ADGRB3: variants seen among roughly 807,000 people sequenced by gnomAD.
ADGRB3 encodes adhesion G protein-coupled receptor B3, also known as brain-specific angiogenesis inhibitor 3.
A neutral mutation model predicts 193.4 loss-of-function variants in ADGRB3; 37 were observed. That is an observed-to-expected ratio of 0.19 (90% confidence interval 0.15 to 0.25). The LOEUF (loss-of-function observed/expected upper bound fraction) is 0.25, where lower values mean the gene tolerates loss of function less well. ADGRB3 is among the 10% of genes least tolerant of loss of function. The pLI, the probability that ADGRB3 is intolerant of heterozygous loss-of-function variation, is 1.00. For missense variants in ADGRB3, 1,637 were observed against 1,852.9 expected (o/e 0.88, Z 2.14); for synonymous variants, 690 against 644.2 (o/e 1.07, Z -1.08).
In ADGRB3 at chr6:69,361,433, T is replaced by G; in HGVS notation, c.4160T>G (p.Phe1387Cys). ...GAACCTCGCACAGCTGTGAAGAATTTCATGGCCTCTGAGTTGGATGATAAT... is the reference window on the plus strand; with the variant it reads ...GAACCTCGCACAGCTGTGAAGAATTGCATGGCCTCTGAGTTGGATGATAAT... ...PFEPRTAVKN[F>C]MASELDDNAG... is the part of the protein sequence containing the mutation. The change falls in exon 29 of 32, where the codon TTC becomes TGC. Residue 1387 changes from phenylalanine to cysteine, a missense_variant. This residue lies in a region of ADGRB3 where 368 missense variants were observed against 367.4 expected (regional missense o/e 1.00). Transcript: ENST00000370598. The G allele has an allele frequency of 3.1e-6, 5 of 1,612,980 alleles. No individual in the cohort carries two copies. The highest frequency in any genetic ancestry group is 4.2e-6 in the Non-Finnish European group (5 of 1,179,228).
intron 3 of ADGRB3, among the ~76,000 whole-genome samples, chr6:68,870,153 A>T (rs1765417199): frequency 2.0e-5 from 3 of 152,186 alleles, no homozygotes; most frequent in African/African-American, 7.2e-5. Flanking sequence ...TTTTTACTGA[A>T]TATCCTATAT....
chr6:69,248,664 T>C (rs1463324018), intron 20 of ADGRB3, among the ~76,000 whole-genome samples: 1 of 152,238 alleles, frequency 6.6e-6, no homozygotes, highest in Non-Finnish European at 1.5e-5. Flanking sequence ...TATTCAGTTC[T>C]GCTGTTGTTG....
At chr6:69,131,783 C>T (rs1057044065) in intron 17 of ADGRB3, among the ~76,000 whole-genome samples, 1 of 151,730 alleles carries the variant, frequency 6.6e-6, no homozygotes, top group Non-Finnish European at 1.5e-5. Context: ...CCTAGCCCCC[C>T]ACCCCCTGAC....
chr6:68,843,938 A>G (rs1768219966), intron 3 of ADGRB3, among the ~76,000 whole-genome samples: 1 of 152,204 alleles, frequency 6.6e-6, no homozygotes, highest in Non-Finnish European at 1.5e-5. Context: ...TATCTCTTCA[A>G]TAAATGGTGC....
At chr6:68,953,039 T>C (rs1312056173) in intron 6 of ADGRB3, among the ~76,000 whole-genome samples, 1 of 152,112 alleles carries the variant, frequency 6.6e-6, no homozygotes, top group East Asian at 1.9e-4. Context: ...ACTTCACAAA[T>C]AGATGTTCTC....
intron 17 of ADGRB3, among the ~76,000 whole-genome samples, chr6:69,084,488 G>T (rs1358364309): frequency 6.6e-6 from 1 of 152,112 alleles, no homozygotes; most frequent in Non-Finnish European, 1.5e-5. Context: ...AACATTGCCA[G>T]TGATATCTAG....
intron 3 of ADGRB3, among the ~76,000 whole-genome samples, chr6:68,668,920 T>TA (rs1312602153): frequency 6.6e-6 from 1 of 152,002 alleles, no homozygotes; most frequent in Non-Finnish European, 1.5e-5. Context: ...AGGAAAACTT[T>TA]ATAAAGTAAT....
chr6:69,204,254 C>T (rs1454482811), intron 17 of ADGRB3, among the ~76,000 whole-genome samples: 1 of 151,998 alleles, frequency 6.6e-6, no homozygotes, highest in African/African-American at 2.4e-5. Flanking sequence ...AAAGTGTTTC[C>T]TTTGGACATT....
At chr6:68,682,314 A>G (rs1764910518) in intron 3 of ADGRB3, among the ~76,000 whole-genome samples, 1 of 152,248 alleles carries the variant, frequency 6.6e-6, no homozygotes, top group South Asian at 2.1e-4. Context: ...CTCCAAATAG[A>G]GAATACCCTA....
chr6:69,287,622 G>A (rs766123772), intron 20 of ADGRB3, among the ~76,000 whole-genome samples: 6 of 152,128 alleles, frequency 3.9e-5, no homozygotes, highest in East Asian at 1.9e-4. Context: ...TGAGAACCAC[G>A]AAGGTTAAGC....
chr6:69,089,447 G>A (rs1454708190), intron 17 of ADGRB3, among the ~76,000 whole-genome samples: 1 of 152,000 alleles, frequency 6.6e-6, no homozygotes, highest in Non-Finnish European at 1.5e-5. Context: ...ATTTTTTTCT[G>A]AGCTAATCTT....
intron 12 of ADGRB3, 45 bp from the exon 13 acceptor site, chr6:69,018,346 A>G (rs1770158177): frequency 4.0e-6 from 5 of 1,252,084 alleles, no homozygotes; most frequent in Non-Finnish European, 5.7e-6. Flanking sequence ...ATGCCATTGT[A>G]TGTATAGATT....
chr6:69,325,964 G>A (rs112016232), intron 21 of ADGRB3, among the ~76,000 whole-genome samples: 2,011 of 152,294 alleles, frequency 0.013, 43 homozygotes, highest in African/African-American at 0.044. Flanking sequence ...AGCACTTTGG[G>A]AAACCAAGGC....
intron 3 of ADGRB3, among the ~76,000 whole-genome samples, chr6:68,864,898 T>A (rs1029687176): frequency 6.6e-6 from 1 of 151,558 alleles, no homozygotes; most frequent in Non-Finnish European, 1.5e-5. Flanking sequence ...GAATAGATTG[T>A]TGATTACAGC....
intron 3 of ADGRB3, among the ~76,000 whole-genome samples, chr6:68,772,885 A>AC (rs757288740): frequency 0.14 from 6,096 of 42,704 alleles, 419 homozygotes; most frequent in African/African-American, 0.3. Flanking sequence ...AAACAAACAA[A>AC]AAAAAAAAAA....
intron 10 of ADGRB3, among the ~76,000 whole-genome samples, chr6:68,988,092 C>G (rs971056099): frequency 3.3e-5 from 5 of 152,118 alleles, no homozygotes; most frequent in African/African-American, 1.2e-4. Context: ...TAGTTCAATT[C>G]AGCAAGCCCT....
intron 11 of ADGRB3, among the ~76,000 whole-genome samples, chr6:68,997,237 C>G (rs73467714): frequency 1.3e-5 from 2 of 152,066 alleles, no homozygotes; most frequent in African/African-American, 2.4e-5. Flanking sequence ...TAAACATACA[C>G]AGGCACATAC....
At chr6:68,943,555 G>A (rs1365866357) in intron 5 of ADGRB3, among the ~76,000 whole-genome samples, 1 of 152,072 alleles carries the variant, frequency 6.6e-6, no homozygotes, top group African/African-American at 2.4e-5. Context: ...ATAAGGGAGA[G>A]AGGTGCATTT....
In ADGRB3 at chr6:69,330,551, A is replaced by T; in HGVS notation, c.3081A>T (p.Gly1027=). ...LEGGLLYAFV[G]PAAAVVLVNM... ...GAGGACTACTCTATGCTTTTGTGGG[A>T]CCTGCAGCCGCTGTTGTCCTGGTAA... is the stretch of plus-strand genomic sequence containing the variant. The change falls in exon 23 of 32, where the codon GGA becomes GGT. Residue 1027 remains glycine, a synonymous_variant. Transcript: ENST00000370598. 6.2e-7 allele frequency: 1 copy of T among 1,608,374 alleles called. No individual in the cohort carries two copies. Among genetic ancestry groups the T allele is most frequent in the Non-Finnish European group, 8.5e-7 (1 of 1,176,756 alleles).
Sources: gnomAD v4.1 joint callset for allele counts (sites outside exome capture counted in the v4.1 genomes callset) on GRCh38, gnomAD v4.1.1 for gene constraint, gnomAD v4.1.1 regional missense constraint, MANE v1.5 for transcripts, NCBI Gene and HGNC (gene_info 2026-07-23, HGNC 2026-07-21) for gene names.